TMPRSS15: variants seen among roughly 807,000 people sequenced by gnomAD.
TMPRSS15 encodes the protein transmembrane serine protease 15.
TMPRSS15 carries 128 observed loss-of-function variants against 125.3 expected under a neutral mutation model. The ratio of observed to expected loss-of-function variants is 1.02; its 90% CI spans 0.89 to 1.18. TMPRSS15 has a LOEUF of 1.18. TMPRSS15 is among the 50% of genes most tolerant of loss of function. The pLI is 0.00. For synonymous variants in TMPRSS15, 446 were observed against 423.2 expected (o/e 1.05, Z -0.66); for missense variants, 1,283 against 1,212.7 (o/e 1.06, Z -0.86).
intron 18 of TMPRSS15, among the ~76,000 whole-genome samples, chr21:18,312,040 A>G (rs2075106074): frequency 6.6e-6 from 1 of 152,152 alleles, no homozygotes; most frequent in Non-Finnish European, 1.5e-5. Context: ...TATAGACCTC[A>G]TAGTTTAATA....
chr21:18,274,615 C>T (rs182742098), intron 24 of TMPRSS15, among the ~76,000 whole-genome samples: 20 of 152,182 alleles, frequency 1.3e-4, no homozygotes, highest in Admixed American at 6.5e-4. Context: ...ACAGTGTAAA[C>T]GATAATATAA....
intron 1 of TMPRSS15, among the ~76,000 whole-genome samples, chr21:18,457,760 G>T (rs1978470431): frequency 6.6e-6 from 1 of 152,038 alleles, no homozygotes; most frequent in African/African-American, 2.4e-5. Context: ...GATATTTGTT[G>T]GTAAGAAGGA....
At chr21:18,480,224 G>A (rs1228657309) in intron 1 of TMPRSS15, among the ~76,000 whole-genome samples, 1 of 151,822 alleles carries the variant, frequency 6.6e-6, no homozygotes, top group Non-Finnish European at 1.5e-5. Context: ...ATGATGGCCA[G>A]TCATCACAGT....
intron 1 of TMPRSS15, among the ~76,000 whole-genome samples, chr21:18,430,496 G>T (rs540878426): frequency 2.0e-5 from 3 of 152,170 alleles, no homozygotes; most frequent in South Asian, 4.2e-4. Flanking sequence ...GGTGGTGGTT[G>T]CTCAACCAAA....
intron 1 of TMPRSS15, among the ~76,000 whole-genome samples, chr21:18,413,197 T>TTCCC (rs150292598): frequency 5.3e-5 from 8 of 151,686 alleles, no homozygotes; most frequent in Non-Finnish European, 7.4e-5. Flanking sequence ...CCTTCCTGCC[T>TTCCC]TCCCTCCCTC....
intron 5 of TMPRSS15, among the ~76,000 whole-genome samples, chr21:18,377,733 T>C (rs1226533577): frequency 1.3e-5 from 2 of 152,112 alleles, no homozygotes; most frequent in South Asian, 4.1e-4. Context: ...GGGCTAAGTG[T>C]ACACTGCCCC....
At chr21:18,413,925 A>G (rs1379420481) in intron 1 of TMPRSS15, among the ~76,000 whole-genome samples, 2 of 152,098 alleles carry the variant, frequency 1.3e-5, no homozygotes, top group Non-Finnish European at 2.9e-5. Context: ...ACAGGCTCAT[A>G]ATGCACTTAA....
intron 18 of TMPRSS15, among the ~76,000 whole-genome samples, chr21:18,312,302 T>A (rs2075108300): frequency 6.6e-6 from 1 of 151,932 alleles, no homozygotes; most frequent in Non-Finnish European, 1.5e-5. Flanking sequence ...ACATATTTGA[T>A]GCAAGCTATT....
chr21:18,329,979 CTT>C (rs2146966637), intron 14 of TMPRSS15, among the ~76,000 whole-genome samples: 1 of 152,166 alleles, frequency 6.6e-6, no homozygotes, highest in Non-Finnish European at 1.5e-5. Context: ...AATTTATTGA[CTT>C]ATTTACTGTA....
At chr21:18,306,218 C>T (rs2075036884) in intron 18 of TMPRSS15, among the ~76,000 whole-genome samples, 2 of 151,980 alleles carry the variant, frequency 1.3e-5, no homozygotes. Context: ...AATTTTGGGA[C>T]ATTGGCAGAA....
At chr21:18,411,494 T>C (rs974949260) in intron 1 of TMPRSS15, among the ~76,000 whole-genome samples, 1 of 152,168 alleles carries the variant, frequency 6.6e-6, no homozygotes, top group African/African-American at 2.4e-5. Flanking sequence ...AAAAGTCTTT[T>C]TTTCCCTGAG....
chr21:18,475,958 CAG>C lies in TMPRSS15; in HGVS notation c.10+9839_10+9840del, dbSNP rs149863157. ...TAAATGTAAGATTTAATTTTATTGA[CAG>C]AAATATAGAAATGCTACATTAATTG... is the stretch of plus-strand genomic sequence containing the variant. On this transcript the variant is annotated intron_variant, in intron 1 of 7. Transcript: ENST00000422787. Among the ~76,000 whole-genome samples, 638 of 152,148 alleles carry C rather than the reference CAG, an allele frequency of 4.2e-3. 5 individuals carry two copies. Among genetic ancestry groups the C allele is most frequent in the African/African-American group, 0.015 (611 of 41,524 alleles).
At chr21:18,372,697 T>A (rs2075803908) in intron 5 of TMPRSS15, among the ~76,000 whole-genome samples, 1 of 152,228 alleles carries the variant, frequency 6.6e-6, no homozygotes, top group African/African-American at 2.4e-5. Context: ...ATTGTGACAT[T>A]GAACAATGAA....
intron 16 of TMPRSS15, among the ~76,000 whole-genome samples, chr21:18,318,379 G>C (rs1406182186): frequency 6.6e-6 from 1 of 152,022 alleles, no homozygotes; most frequent in Non-Finnish European, 1.5e-5. Context: ...GCCAGAAGCT[G>C]GTGTTTGCCA....
intron 1 of TMPRSS15, among the ~76,000 whole-genome samples, chr21:18,481,777 T>C (rs1052559172): frequency 6.6e-6 from 1 of 151,700 alleles, no homozygotes; most frequent in African/African-American, 2.4e-5. Context: ...ATAGCAATAA[T>C]AGGTAGGTAA....
chr21:18,357,893 T>C (rs2075641209), intron 8 of TMPRSS15, among the ~76,000 whole-genome samples: 1 of 151,744 alleles, frequency 6.6e-6, no homozygotes, highest in Non-Finnish European at 1.5e-5. Flanking sequence ...TTTTTAATTG[T>C]AAAATTTAAC....
At chr21:18,369,974 G>GAAAAA (rs67549160) in intron 6 of TMPRSS15, among the ~76,000 whole-genome samples, 159 of 141,690 alleles carry the variant, frequency 1.1e-3, no homozygotes, top group Non-Finnish European at 1.5e-3. Context: ...TTACTTAAAC[G>GAAAAA]AAAAAAAAAA....
At position 18,459,967 on chromosome 21, in the gene TMPRSS15, GT is replaced by G. The variant is rs565336638; in HGVS notation, c.10+25831del. On this transcript the variant is annotated intron_variant, in intron 1 of 7. Coordinates refer to the TMPRSS15 transcript ENST00000422787. ...ATACATGAATTTTTAAAAACCAGTA[GT>G]TTATTAATAGCTTATAATAATACTA... Among the ~76,000 whole-genome samples, 320 of 152,166 alleles carry G rather than the reference GT, an allele frequency of 2.1e-3. 1 individual carries two copies. The highest frequency in any genetic ancestry group is 7.3e-3 in the African/African-American group (304 of 41,534).
intron 8 of TMPRSS15, among the ~76,000 whole-genome samples, chr21:18,357,663 T>C (rs888578983): frequency 6.6e-6 from 1 of 151,822 alleles, no homozygotes; most frequent in Non-Finnish European, 1.5e-5. Flanking sequence ...GCTTGTGACT[T>C]GAGAATGAAA....
Sources: allele counts gnomAD v4.1 joint callset (sites outside exome capture counted in the v4.1 genomes callset), GRCh38; gene constraint gnomAD v4.1.1; transcripts MANE v1.5; gene names NCBI Gene and HGNC (gene_info 2026-07-23, HGNC 2026-07-21).